The following MTSS1 variants were observed in gnomAD, a reference collection of about 807,000 sequenced individuals.
MTSS1 encodes protein MTSS 1.
MTSS1 carries 18 observed loss-of-function variants against 79.0 expected under a neutral mutation model. The observed-to-expected ratio is 0.23, with a 90% CI of 0.16 to 0.34. The LOEUF is 0.34. Ranked by LOEUF, MTSS1 falls within the 10% of genes least tolerant of loss-of-function variation. MTSS1 has a pLI of 1.00. For synonymous variants in MTSS1, 341 were observed against 368.6 expected (o/e 0.93, Z 0.86); for missense variants, 815 against 986.2 (o/e 0.83, Z 2.33).
chr8:124,609,356 A>G (rs1267598232), intron 3 of MTSS1, among the ~76,000 whole-genome samples: 1 of 152,196 alleles, frequency 6.6e-6, no homozygotes, highest in Admixed American at 6.5e-5. Flanking sequence ...AAGGGAGAGC[A>G]TGGGAGGGCT....
At chr8:124,688,826 G>A (rs1827458110) in intron 3 of MTSS1, among the ~76,000 whole-genome samples, 1 of 152,016 alleles carries the variant, frequency 6.6e-6, no homozygotes, top group East Asian at 1.9e-4. Flanking sequence ...CCCAACGCTA[G>A]AATCCCCAGT....
At chr8:124,654,342 T>C (rs1000159692) in intron 3 of MTSS1, among the ~76,000 whole-genome samples, 2 of 152,206 alleles carry the variant, frequency 1.3e-5, no homozygotes. Context: ...AACAATTCCC[T>C]GGCACGCAAA....
chr8:124,672,203 T>C (rs1311586665), intron 3 of MTSS1, among the ~76,000 whole-genome samples: 1 of 152,182 alleles, frequency 6.6e-6, no homozygotes, highest in Non-Finnish European at 1.5e-5. Context: ...CTTAAAAATA[T>C]GGAGAAGGGG....
intron 11 of MTSS1, chr8:124,556,632 A>G (rs1823867058): frequency 1.8e-6 from 1 of 568,840 alleles, no homozygotes; most frequent in Non-Finnish European, 3.0e-6. Context: ...CTCTGCCCAA[A>G]GATTAAAAAC....
At chr8:124,671,554 C>G (rs775604218) in intron 3 of MTSS1, among the ~76,000 whole-genome samples, 24 of 152,218 alleles carry the variant, frequency 1.6e-4, no homozygotes, top group Non-Finnish European at 4.4e-5. Flanking sequence ...GGAAAGATAA[C>G]TTTTCTGAAG....
At position 124,597,225 on chromosome 8, in the gene MTSS1, C is replaced by A. The variant is rs1305469977; in HGVS notation, c.209-5990G>T. Among the ~76,000 whole-genome samples, 2 of 152,098 alleles carry A rather than the reference C, an allele frequency of 1.3e-5. No individual in the cohort carries two copies. The highest frequency in any genetic ancestry group is 4.8e-5 in the African/African-American group (2 of 41,408). On this transcript the variant is annotated intron_variant, in intron 3 of 13. Transcript: ENST00000518547. The surrounding 1 kb of genome is among the most constrained non-coding windows in gnomAD (Gnocchi z 4.6). ...AACCCTCTGTGGTAGGCATTATCAGCCCCATGTTACAAATGAAAACACCTG... is the reference window on the plus strand; with the variant it reads ...AACCCTCTGTGGTAGGCATTATCAGACCCATGTTACAAATGAAAACACCTG...
intron 3 of MTSS1, among the ~76,000 whole-genome samples, chr8:124,660,717 A>T (rs1290823987): frequency 6.6e-6 from 1 of 152,234 alleles, no homozygotes; most frequent in Non-Finnish European, 1.5e-5. Flanking sequence ...AATGCACATG[A>T]TATCAGTGTT....
intron 3 of MTSS1, among the ~76,000 whole-genome samples, chr8:124,607,318 C>T (rs1430569744): frequency 6.6e-6 from 1 of 152,210 alleles, no homozygotes. Context: ...ATGCATTCTG[C>T]AGTTGATTTC....
intron 6 of MTSS1, among the ~76,000 whole-genome samples, chr8:124,574,034 C>T (rs986259597): frequency 1.3e-5 from 2 of 152,152 alleles, no homozygotes; most frequent in African/African-American, 4.8e-5. Context: ...GCTCTGTTGC[C>T]TAGGCTGGAG....
chr8:124,552,625 T>G lies in MTSS1; in HGVS notation c.*367A>C. ...AAAAAAAAAGAAGAGTGAAGTATAG[T>G]AAATCCTTTTCTAAAATTAACTACT... On this transcript the variant is annotated 3_prime_UTR_variant, in exon 14 of 14. Transcript: ENST00000518547. The G allele has an allele frequency of 4.6e-6, 1 of 219,552 alleles. No homozygotes were observed. Among genetic ancestry groups the G allele is most frequent in the South Asian group, 8.6e-5 (1 of 11,576 alleles). 13.6% of individuals were successfully genotyped at this position (219,552 alleles called of 1,614,324 possible). A position where few individuals can be genotyped will look rare whatever the true frequency, so the allele number is the denominator to read the frequency against.
chr8:124,563,010 G>C lies in MTSS1; in HGVS notation c.825-18C>G, dbSNP rs774048324. On this transcript the variant is annotated intron_variant, in intron 9 of 13. Transcript: ENST00000518547. ...TCAGGCTGCTGTGGAGGACAAGCAG[G>C]GGTGAGGGGTGGGCACGGAAGGTAA... 2 of 1,589,022 alleles carry C rather than the reference G, an allele frequency of 1.3e-6. No individual in the cohort carries two copies. Among genetic ancestry groups the C allele is most frequent in the Non-Finnish European group, 1.7e-6 (2 of 1,168,134 alleles).
intron 9 of MTSS1, among the ~76,000 whole-genome samples, chr8:124,565,281 C>T (rs1453018939): frequency 3.9e-5 from 6 of 152,314 alleles, no homozygotes; most frequent in South Asian, 2.1e-4. Context: ...TTACTTCCTT[C>T]GTTTGTTCTG....
At position 124,715,038 on chromosome 8, in the gene MTSS1, C is replaced by T. The variant is rs182572280; in HGVS notation, c.73-10847G>A. 2.0e-5 allele frequency among the ~76,000 whole-genome samples: 3 copies of T among 152,326 alleles called. No individual in the cohort carries two copies. The East Asian group carries it at 5.8e-4, about 29-fold the overall frequency. ...TAGATATTGAACCTGAGCAAAACAC[C>T]TAGTGGCTTGCACACCCTATGAAAT... is the stretch of plus-strand genomic sequence containing the variant. On this transcript the variant is annotated intron_variant, in intron 1 of 13. Coordinates refer to ENST00000518547, the MANE Select transcript of MTSS1 (RefSeq NM_014751.6).
At position 124,703,733 on chromosome 8, in the gene MTSS1, G is replaced by A. The variant is rs368350605; in HGVS notation, c.134+397C>T. ...GACTATGGATAAGTTATTTAACTTC[G>A]CTGTGCCTCAGTTTCCTCATCAGTA... is the stretch of plus-strand genomic sequence containing the variant. On this transcript the variant is annotated intron_variant, in intron 2 of 13. Transcript: ENST00000518547. 9.4e-4 allele frequency among the ~76,000 whole-genome samples: 143 copies of A among 152,298 alleles called. 4 individuals are homozygous for A. In the South Asian group the frequency reaches 0.024, roughly 25 times the overall value.
At chr8:124,684,967 TGCCAGAA>T (rs1375947049) in intron 3 of MTSS1, among the ~76,000 whole-genome samples, 1 of 152,168 alleles carries the variant, frequency 6.6e-6, no homozygotes, top group Non-Finnish European at 1.5e-5. Context: ...CACAAAACAC[TGCCAGAA>T]GCTGGGAAGG....
At chr8:124,699,337 G>A (rs898237419) in intron 3 of MTSS1, 189 bp downstream of exon 3, 28 of 581,638 alleles carry the variant, frequency 4.8e-5, no homozygotes, top group Non-Finnish European at 8.6e-5. Flanking sequence ...TTCTTCACAT[G>A]TGCTTTATTA....
intron 3 of MTSS1, among the ~76,000 whole-genome samples, chr8:124,688,351 G>GTA (rs753077386): frequency 6.6e-6 from 1 of 151,458 alleles, no homozygotes; most frequent in Admixed American, 6.6e-5. Context: ...TGTGTGTTGT[G>GTA]TGTGTGTTGT....
chr8:124,664,111 TGGAAGCCAGCAGGC>T (rs1392044641), intron 3 of MTSS1, among the ~76,000 whole-genome samples: 4 of 152,200 alleles, frequency 2.6e-5, no homozygotes, highest in African/African-American at 9.6e-5. Context: ...AGGGAGCAGC[TGGAAGCCAGCAGGC>T]AGAAGCCAGC....
intron 5 of MTSS1, among the ~76,000 whole-genome samples, chr8:124,586,411 T>A (rs535418538): frequency 4.6e-5 from 7 of 152,322 alleles, no homozygotes; most frequent in Non-Finnish European, 8.8e-5. Flanking sequence ...GTACACCTAC[T>A]GGGATCCCTC....
Sources: allele counts gnomAD v4.1 joint callset (sites outside exome capture counted in the v4.1 genomes callset), GRCh38; gene constraint gnomAD v4.1.1; non-coding constraint Gnocchi (gnomAD v3.1); transcripts MANE v1.5; gene names NCBI Gene and HGNC (gene_info 2026-07-23, HGNC 2026-07-21).